The following CAPN14 variants were observed in gnomAD, a reference collection of about 807,000 sequenced individuals.
CAPN14 encodes the protein calpain-14.
A neutral mutation model predicts 101.3 loss-of-function variants in CAPN14; 94 were observed. The ratio of observed to expected loss-of-function variants is 0.93; its 90% CI spans 0.79 to 1.10. CAPN14 has a LOEUF of 1.10. Ranked by LOEUF, CAPN14 falls within the 50% of genes least tolerant of loss-of-function variation. CAPN14 has a pLI of 0.00. For missense variants in CAPN14, 837 were observed against 828.4 expected, an observed-to-expected ratio of 1.01 and a Z score of -0.13; for synonymous variants, 338 against 317.9, an observed-to-expected ratio of 1.06 and a Z score of -0.67.
At chr2:31,200,258 G>T (rs1681686076) in intron 6 of CAPN14, among the ~76,000 whole-genome samples, 193 bp downstream of exon 6, 1 of 152,132 alleles carries the variant, frequency 6.6e-6, no homozygotes, top group African/African-American at 2.4e-5. Flanking sequence ...GCCCACCTGG[G>T]CCTCCCAAAG....
rs1680284005 is a variant in CAPN14, at chr2:31,176,375, C to G, written c.2028+212G>C. Reference sequence around the variant, plus strand: ...TTGCAATCAGAGTTATTGGATACACCTTTCATATGTGCCTGGCACAAAGTG... The same window carrying G: ...TTGCAATCAGAGTTATTGGATACACGTTTCATATGTGCCTGGCACAAAGTG... On this transcript the variant is annotated intron_variant, in intron 21 of 21. Coordinates refer to ENST00000403897, the MANE Select transcript of CAPN14 (RefSeq NM_001145122.2). 1.3e-5 allele frequency among the ~76,000 whole-genome samples: 2 copies of G among 152,192 alleles called. 1 individual carries two copies. Among genetic ancestry groups the G allele is most frequent in the South Asian group, 4.1e-4 (2 of 4,828 alleles).
chr2:31,219,363 C>A (rs955445157), upstream of CAPN14, among the ~76,000 whole-genome samples: 1 of 152,212 alleles, frequency 6.6e-6, no homozygotes, highest in Admixed American at 6.5e-5. Context: ...AGGCTTCCGA[C>A]TGTCACCCAG....
intron 1 of CAPN14, among the ~76,000 whole-genome samples, chr2:31,211,773 T>C (rs1682414042): frequency 6.6e-6 from 1 of 152,164 alleles, no homozygotes; most frequent in Non-Finnish European, 1.5e-5. Context: ...TTTATTTTAC[T>C]TTATTAGACT....
intron 1 of CAPN14, among the ~76,000 whole-genome samples, chr2:31,231,334 T>A (rs1019692223): frequency 6.6e-6 from 1 of 152,212 alleles, no homozygotes; most frequent in African/African-American, 2.4e-5. Context: ...AGAATTCACA[T>A]GTTTGTGACA....
At chr2:31,216,577 T>C (rs11691591) in intron 1 of CAPN14, among the ~76,000 whole-genome samples, 86,659 of 151,802 alleles carry the variant, frequency 0.57, 25,767 homozygotes, top group East Asian at 0.94. Context: ...GGCCAGTACC[T>C]AACTCATCCA....
rs878924278 is a variant in CAPN14 at position 31,181,012 on chromosome 2, C to T, written c.1646-12G>A. On this transcript the variant is annotated splice_polypyrimidine_tract_variant and intron_variant, in intron 16 of 21. Transcript: ENST00000403897. Reference sequence around the variant, plus strand: ...TCTGCTCCCCAGACCTGTGAAGGAGCGAAAGAGTCCACATGGGGGCTGGCC... The same window carrying T: ...TCTGCTCCCCAGACCTGTGAAGGAGTGAAAGAGTCCACATGGGGGCTGGCC... The T allele has an allele frequency of 6.4e-6, 10 of 1,551,190 alleles. No homozygotes were observed. The highest frequency in any genetic ancestry group is 3.9e-5 in the Admixed American group (2 of 50,972).
At chr2:31,216,637 G>A (rs553166550) in intron 1 of CAPN14, among the ~76,000 whole-genome samples, 93 of 152,224 alleles carry the variant, frequency 6.1e-4, no homozygotes, top group African/African-American at 2.1e-3. Flanking sequence ...TATCAGGCCT[G>A]GAAGATGTAC....
At chr2:31,201,837 G>T in intron 5 of CAPN14, 25 bp downstream of exon 5, 1 of 1,547,384 alleles carries the variant, frequency 6.5e-7, no homozygotes, top group Non-Finnish European at 8.7e-7. Flanking sequence ...CGATGGGAAG[G>T]GGGATATTTC....
intron 16 of CAPN14, among the ~76,000 whole-genome samples, chr2:31,183,189 G>A (rs1414008898): frequency 6.6e-6 from 1 of 151,826 alleles, no homozygotes; most frequent in African/African-American, 2.4e-5. Context: ...ATTAATTCAA[G>A]ATGGATTAAA....
At chr2:31,204,447 G>T (rs375118594) in intron 2 of CAPN14, among the ~76,000 whole-genome samples, 1 of 152,172 alleles carries the variant, frequency 6.6e-6, no homozygotes, top group African/African-American at 2.4e-5. Flanking sequence ...CTTCAGGATA[G>T]GGTCTGGTCA....
intron 19 of CAPN14, among the ~76,000 whole-genome samples, 200 bp from the exon 20 acceptor site, chr2:31,177,342 C>A (rs1371079010): frequency 6.6e-6 from 1 of 152,094 alleles, no homozygotes; most frequent in African/African-American, 2.4e-5. Flanking sequence ...TCACCCCTGT[C>A]TGTTAAGGCA....
intron 3 of CAPN14, among the ~76,000 whole-genome samples, 191 bp from the exon 4 acceptor site, chr2:31,202,443 C>A (rs1049668039): frequency 1.3e-5 from 2 of 152,102 alleles, no homozygotes; most frequent in Admixed American, 1.3e-4. Context: ...CCAACTTGAC[C>A]CCAAAACCAG....
chr2:31,176,914 C>T (rs1389055863), intron 20 of CAPN14, 112 bp downstream of exon 20: 13 of 802,994 alleles, frequency 1.6e-5, no homozygotes, highest in Non-Finnish European at 2.7e-5. Context: ...CTTCCCTGGT[C>T]TGCTGTTTCT....
chr2:31,217,506 G>C lies in CAPN14; in HGVS notation c.-103C>G, dbSNP rs540747927. The C allele has an allele frequency of 1.3e-5, 2 of 152,264 alleles. No individual in the cohort carries two copies. Among genetic ancestry groups the C allele is most frequent in the East Asian group, 3.9e-4 (2 of 5,182 alleles). The allele number at this position is 152,264 out of a possible 1,614,324, so 9.4% of individuals were successfully genotyped here. On this transcript the variant is annotated 5_prime_UTR_variant, in exon 1 of 22. Transcript: ENST00000403897. ...AGCGCCTGGGCAAGCTCTAATCCCG[G>C]TGCAGTCAGAAGCATGCAGCCTGAA...
chr2:31,195,873 T>C (rs773924940), intron 8 of CAPN14, among the ~76,000 whole-genome samples: 81 of 152,208 alleles, frequency 5.3e-4, no homozygotes, highest in Admixed American at 3.3e-3. Flanking sequence ...AAATTTACAA[T>C]GTCCAGCATG....
chr2:31,232,710 A>C (rs908211066), intron 1 of CAPN14, among the ~76,000 whole-genome samples: 1 of 152,154 alleles, frequency 6.6e-6, no homozygotes, highest in Non-Finnish European at 1.5e-5. Flanking sequence ...CCTATGATCC[A>C]ATCTCCTCCC....
intron 16 of CAPN14, among the ~76,000 whole-genome samples, chr2:31,181,431 TTTCTTTC>T: frequency 6.7e-6 from 1 of 148,612 alleles, no homozygotes; most frequent in South Asian, 2.2e-4. Context: ...TCTTTCTTTC[TTTCTTTC>T]TTTCTTTTTC....
In CAPN14 at chr2:31,189,212, C is replaced by G. The variant is rs187247464; in HGVS notation, c.1493+61G>C. 166 of 1,452,534 alleles carry G rather than the reference C, an allele frequency of 1.1e-4. 1 individual carries two copies. In the East Asian group the frequency reaches 3.9e-3, roughly 34 times the overall value. The allele number at this position is 1,452,534 out of a possible 1,614,324, so 90.0% of individuals were successfully genotyped here. A position where few individuals can be genotyped will look rare whatever the true frequency, so the allele number is the denominator to read the frequency against. ...TGGTTTCTGCCATTTCCAACCTTGC[C>G]CTCCTTGCCTGTCCTCGTCCAAGTG... On this transcript the variant is annotated intron_variant, in intron 13 of 21. Transcript: ENST00000403897.
chr2:31,217,614 C>A (rs1018658426), upstream of CAPN14: 3 of 152,430 alleles, frequency 2.0e-5, no homozygotes, highest in Admixed American at 6.5e-5. Flanking sequence ...CTTGGTTCCT[C>A]CCCACTGTGT....
Sources: gnomAD v4.1 joint callset for allele counts (sites outside exome capture counted in the v4.1 genomes callset) on GRCh38, gnomAD v4.1.1 for gene constraint, MANE v1.5 for transcripts, NCBI Gene and HGNC (gene_info 2026-07-23, HGNC 2026-07-21) for gene names.